Variants in APBB1IP observed in about 807,000 individuals in gnomAD.
APBB1IP encodes the protein amyloid beta precursor protein binding family B member 1 interacting protein.
Under a neutral mutation model 64.9 loss-of-function variants are expected in APBB1IP, and 27 were observed. The observed-to-expected ratio is 0.42, with a 90% CI of 0.31 to 0.57. The LOEUF (loss-of-function observed/expected upper bound fraction) is 0.57. Ranked by LOEUF, APBB1IP falls within the 20% of genes least tolerant of loss-of-function variation. APBB1IP has a pLI of 0.20. For missense variants in APBB1IP, 812 were observed against 845.5 expected, an observed-to-expected ratio of 0.96 and a Z score of 0.49; for synonymous variants, 392 against 331.0, an observed-to-expected ratio of 1.18 and a Z score of -2.00.
At chr10:26,529,172 C>G (rs552520366) in intron 8 of APBB1IP, among the ~76,000 whole-genome samples, 1 of 152,278 alleles carries the variant, frequency 6.6e-6, no homozygotes, top group African/African-American at 2.4e-5. Flanking sequence ...CTTTATTATT[C>G]GACTCAGGTT....
rs528081952 is a variant in APBB1IP at position 26,538,599 on chromosome 10, C to G, written c.1044+2382C>G. On this transcript the variant is annotated intron_variant, in intron 10 of 14. Coordinates refer to ENST00000376236, the MANE Select transcript of APBB1IP (RefSeq NM_019043.4). The stretch of plus-strand genomic sequence containing the variant: ...GAGGTTGCAGTGAGCCAAGATCATG[C>G]CACTGCACTCCAGCCTGGGGCGACA... Among the ~76,000 whole-genome samples, 6 of 150,060 alleles carry G rather than the reference C, an allele frequency of 4.0e-5. No individual in the cohort carries two copies. In the South Asian group the frequency reaches 1.1e-3, roughly 26 times the overall value.
chr10:26,504,434 G>A (rs993286088), intron 6 of APBB1IP, among the ~76,000 whole-genome samples: 1 of 152,174 alleles, frequency 6.6e-6, no homozygotes, highest in Non-Finnish European at 1.5e-5. Flanking sequence ...GTTAGGCTGG[G>A]CGCGGTGGCT....
intron 14 of APBB1IP, among the ~76,000 whole-genome samples, chr10:26,564,239 G>A (rs939044924): frequency 6.6e-6 from 1 of 151,920 alleles, no homozygotes; most frequent in Non-Finnish European, 1.5e-5. Flanking sequence ...CACTAAAACA[G>A]AGGGATTCAA....
At chr10:26,564,871 A>G (rs1837020301) in intron 14 of APBB1IP, among the ~76,000 whole-genome samples, 1 of 152,176 alleles carries the variant, frequency 6.6e-6, no homozygotes, top group Admixed American at 6.5e-5. Context: ...ATTAGAGACC[A>G]GATGTCCTGT....
intron 6 of APBB1IP, among the ~76,000 whole-genome samples, chr10:26,509,072 C>CAGTAATTCTGTGGAA (rs1836220381): frequency 6.6e-6 from 1 of 152,210 alleles, no homozygotes; most frequent in Admixed American, 6.5e-5. Context: ...CAGCAGAGAG[C>CAGTAATTCTGTGGAA]AGCAAGTACA....
intron 2 of APBB1IP, among the ~76,000 whole-genome samples, chr10:26,455,530 T>G (rs1589191326): frequency 1.3e-5 from 2 of 149,640 alleles, no homozygotes; most frequent in African/African-American, 4.9e-5. Flanking sequence ...AAAAAAAGAA[T>G]AATAATAATA....
chr10:26,463,216 T>C (rs1243593252), intron 2 of APBB1IP, among the ~76,000 whole-genome samples: 1 of 152,098 alleles, frequency 6.6e-6, no homozygotes, highest in African/African-American at 2.4e-5. Context: ...GGTGGGAGAA[T>C]CATTTGGTGC....
chr10:26,553,346 C>A (rs1161538100), intron 11 of APBB1IP, among the ~76,000 whole-genome samples: 1 of 151,678 alleles, frequency 6.6e-6, no homozygotes, highest in African/African-American at 2.4e-5. Context: ...TAGTTTAATT[C>A]ATTCATTCAA....
At chr10:26,505,733 A>G (rs984296718) in intron 6 of APBB1IP, among the ~76,000 whole-genome samples, 1 of 151,824 alleles carries the variant, frequency 6.6e-6, no homozygotes, top group Non-Finnish European at 1.5e-5. Context: ...ACATCTACCT[A>G]TCTACCTGCG....
chr10:26,500,071 C>T (rs952732001), intron 4 of APBB1IP, among the ~76,000 whole-genome samples: 20 of 151,850 alleles, frequency 1.3e-4, no homozygotes, highest in South Asian at 4.2e-4. Context: ...ATTAGCTGGA[C>T]GTAGTGGCAT....
intron 9 of APBB1IP, among the ~76,000 whole-genome samples, chr10:26,535,634 C>A (rs1836611560): frequency 6.6e-6 from 1 of 152,148 alleles, no homozygotes; most frequent in African/African-American, 2.4e-5. Flanking sequence ...GTTCTATTTA[C>A]CAGCAATGAA....
chr10:26,513,736 G>C lies in APBB1IP; in HGVS notation c.813+76G>C, dbSNP rs1052552657. The C allele has an allele frequency of 2.0e-6, 3 of 1,484,544 alleles. No individual in the cohort carries two copies. In the East Asian group the frequency reaches 7.1e-5, roughly 35 times the overall value. 92.0% of individuals were successfully genotyped at this position (1,484,544 alleles called of 1,614,324 possible). On this transcript the variant is annotated intron_variant, in intron 8 of 14. Coordinates refer to ENST00000376236, the MANE Select transcript of APBB1IP (RefSeq NM_019043.4). ...TTTTTTTTGAGACGGAGTCTCAAAGGCTGGAGACAGGGTCTGAAAGGCTGG... is the reference window on the plus strand; with the variant it reads ...TTTTTTTTGAGACGGAGTCTCAAAGCCTGGAGACAGGGTCTGAAAGGCTGG...
intron 2 of APBB1IP, among the ~76,000 whole-genome samples, chr10:26,477,734 T>C (rs1835791823): frequency 6.6e-6 from 1 of 152,168 alleles, no homozygotes; most frequent in Non-Finnish European, 1.5e-5. Context: ...GAATATACCA[T>C]GTTTCTAATT....
rs917925903 is a variant in APBB1IP at position 26,566,135 on chromosome 10, G to A, written c.1474-826G>A. On this transcript the variant is annotated intron_variant, in intron 14 of 14. Coordinates refer to ENST00000376236, the MANE Select transcript of APBB1IP (RefSeq NM_019043.4). ...TGTAACAACAGGAAATACTGTTAAA[G>A]TCCATTTGGGCCAGGTGGGGTGGCC... Among the ~76,000 whole-genome samples the A allele has an allele frequency of 1.1e-4, 16 of 152,158 alleles. 1 individual carries two copies. The highest frequency in any genetic ancestry group is 1.0e-3 in the Admixed American group (16 of 15,270).
intron 14 of APBB1IP, among the ~76,000 whole-genome samples, chr10:26,564,324 G>A (rs1186715284): frequency 1.3e-5 from 2 of 151,822 alleles, no homozygotes; most frequent in Admixed American, 6.6e-5. Context: ...AGGGCTATGC[G>A]TCTATTAGAC....
At chr10:26,446,891 A>AGAGAG (rs1564346876) in intron 2 of APBB1IP, among the ~76,000 whole-genome samples, 2,880 of 150,470 alleles carry the variant, frequency 0.019, 70 homozygotes, top group Admixed American at 0.067. Flanking sequence ...GATAGATAGA[A>AGAGAG]ATAGATAGAT....
intron 8 of APBB1IP, among the ~76,000 whole-genome samples, chr10:26,529,440 G>T (rs1361536159): frequency 6.6e-6 from 1 of 152,222 alleles, no homozygotes. Context: ...AGGATATTCT[G>T]AAGCTGAAAA....
chr10:26,492,514 C>T, intron 3 of APBB1IP, 116 bp downstream of exon 3: 2 of 861,136 alleles, frequency 2.3e-6, no homozygotes, highest in Admixed American at 2.4e-5. Flanking sequence ...GGAACCAGCC[C>T]CCGATATTTC....
chr10:26,483,287 A>G lies in APBB1IP; in HGVS notation c.1-9040A>G, dbSNP rs562904025. On this transcript the variant is annotated intron_variant, in intron 2 of 14. Transcript: ENST00000376236. ...CCAATCATGTCTGGGATCAATAAATATTTGATGACTGACTTACTTTGTGTA... is the reference window on the plus strand; with the variant it reads ...CCAATCATGTCTGGGATCAATAAATGTTTGATGACTGACTTACTTTGTGTA... 3.3e-5 allele frequency among the ~76,000 whole-genome samples: 5 copies of G among 152,290 alleles called. No homozygotes were observed. In the East Asian group the frequency reaches 7.7e-4, roughly 23 times the overall value.
Sources: gnomAD v4.1 joint callset for allele counts (sites outside exome capture counted in the v4.1 genomes callset) on GRCh38, gnomAD v4.1.1 for gene constraint, MANE v1.5 for transcripts, NCBI Gene and HGNC (gene_info 2026-07-23, HGNC 2026-07-21) for gene names.